Variants in HTR4 observed in about 807,000 individuals in gnomAD.
The protein encoded by HTR4 is 5-hydroxytryptamine receptor 4.
Under a neutral mutation model 36.8 loss-of-function variants are expected in HTR4, and 16 were observed. The observed-to-expected ratio is 0.43, with a 90% CI of 0.29 to 0.66. The LOEUF is 0.66. Ranked by LOEUF, HTR4 falls within the 30% of genes least tolerant of loss-of-function variation. The pLI, the probability that HTR4 is intolerant of heterozygous loss-of-function variation, is 0.13. For synonymous variants in HTR4, 189 were observed against 185.1 expected, an observed-to-expected ratio of 1.02 and a Z score of -0.17; for missense variants, 438 against 490.9, an observed-to-expected ratio of 0.89 and a Z score of 1.02.
At chr5:148,461,197 AG>A (rs756229866) in intron 5 of HTR4, among the ~76,000 whole-genome samples, 29 of 152,058 alleles carry the variant, frequency 1.9e-4, no homozygotes, top group Non-Finnish European at 4.4e-5. Context: ...AGGTAGAAAA[AG>A]GGTAGAAGGC....
downstream of HTR4, among the ~76,000 whole-genome samples, chr5:148,477,895 G>C (rs955674792): frequency 8.5e-5 from 13 of 152,072 alleles, no homozygotes; most frequent in African/African-American, 3.1e-4. Flanking sequence ...TCCTTAGAAT[G>C]CTTGTCCCCT....
intron 2 of HTR4, among the ~76,000 whole-genome samples, chr5:148,617,670 T>C (rs1347848754): frequency 6.6e-6 from 1 of 152,084 alleles, no homozygotes; most frequent in Non-Finnish European, 1.5e-5. Flanking sequence ...GGTTTCACCA[T>C]GTTGGCCAGG....
At chr5:148,566,212 A>G (rs1157641015) in intron 2 of HTR4, among the ~76,000 whole-genome samples, 1 of 152,184 alleles carries the variant, frequency 6.6e-6, no homozygotes, top group Non-Finnish European at 1.5e-5. Context: ...CCTAAATACC[A>G]TCCAAAGTTA....
intron 2 of HTR4, among the ~76,000 whole-genome samples, chr5:148,562,057 C>A (rs1326188891): frequency 6.6e-6 from 1 of 152,168 alleles, no homozygotes; most frequent in Non-Finnish European, 1.5e-5. Flanking sequence ...TGAAACAGCT[C>A]AATTTTATGC....
At chr5:148,515,985 C>CATATAT (rs3041921) in intron 5 of HTR4, among the ~76,000 whole-genome samples, 2 of 148,598 alleles carry the variant, frequency 1.3e-5, no homozygotes, top group South Asian at 2.1e-4. Flanking sequence ...ATATATGTAA[C>CATATAT]ATATATATAT....
At chr5:148,474,555 A>G (rs1218137588), downstream of HTR4, among the ~76,000 whole-genome samples, 1 of 152,168 alleles carries the variant, frequency 6.6e-6, no homozygotes, top group Non-Finnish European at 1.5e-5. Context: ...AGTACAGATA[A>G]TGTCTGCCCT....
rs547369547 is a variant in HTR4, at chr5:148,467,028, C to T, written c.1077-15756G>A. On this transcript the variant is annotated intron_variant, in intron 5 of 5. Coordinates refer to the HTR4 transcript ENST00000521530. ...ACATTTTCAATGGGCTCTAGATAAT[C>T]ATTTGAAAATTTAAATATCTGGGTA... Among the ~76,000 whole-genome samples the T allele has an allele frequency of 2.0e-5, 3 of 152,244 alleles. No individual in the cohort carries two copies. The South Asian group carries it at 6.2e-4, about 32-fold the overall frequency.
intron 2 of HTR4, among the ~76,000 whole-genome samples, chr5:148,567,371 T>A (rs1030784229): frequency 2.0e-5 from 3 of 152,164 alleles, no homozygotes; most frequent in African/African-American, 7.2e-5. Flanking sequence ...TAAAATCTTG[T>A]CTTCAATTTC....
rs148104270 is a variant in HTR4 at position 148,457,026 on chromosome 5, A to G, written c.1077-5754T>C. On this transcript the variant is annotated intron_variant, in intron 5 of 5. Transcript: ENST00000521530. Reference sequence around the variant, plus strand: ...TAAGGAAACCTTAACCCTGTGATCAATTAAGGTCACTTAGAGCAGCTTGGA... The same window carrying G: ...TAAGGAAACCTTAACCCTGTGATCAGTTAAGGTCACTTAGAGCAGCTTGGA... 7.9e-5 allele frequency among the ~76,000 whole-genome samples: 12 copies of G among 152,354 alleles called. No individual in the cohort carries two copies. In the East Asian group the frequency reaches 2.1e-3, roughly 27 times the overall value.
chr5:148,548,557 C>G, intron 4 of HTR4, 111 bp downstream of exon 4: 1 of 914,498 alleles, frequency 1.1e-6, no homozygotes, highest in South Asian at 1.6e-5. Flanking sequence ...TCAAATTTAC[C>G]TCTCTGAGAT....
chr5:148,586,753 G>T (rs141545477), intron 2 of HTR4, among the ~76,000 whole-genome samples: 1 of 152,216 alleles, frequency 6.6e-6, no homozygotes, highest in Non-Finnish European at 1.5e-5. Context: ...TGTAGACAGG[G>T]CGAAGTTGGG....
intron 2 of HTR4, among the ~76,000 whole-genome samples, chr5:148,570,220 AT>A (rs750272223): frequency 1.3e-5 from 2 of 152,160 alleles, no homozygotes; most frequent in African/African-American, 2.4e-5. Flanking sequence ...TCATTCAACC[AT>A]TCCTTCACCA....
At chr5:148,548,235 C>T (rs1296497317) in intron 4 of HTR4, among the ~76,000 whole-genome samples, 3 of 152,144 alleles carry the variant, frequency 2.0e-5, no homozygotes, top group African/African-American at 4.8e-5. Flanking sequence ...CAAATTATTA[C>T]AGAAACATAT....
intron 1 of HTR4, among the ~76,000 whole-genome samples, chr5:148,649,830 A>G (rs939532712): frequency 6.6e-6 from 1 of 152,198 alleles, no homozygotes; most frequent in Non-Finnish European, 1.5e-5. Flanking sequence ...AAAATCAGAT[A>G]TATTTTCATT....
chr5:148,531,011 T>A (rs935016414), intron 4 of HTR4, among the ~76,000 whole-genome samples: 1 of 152,222 alleles, frequency 6.6e-6, no homozygotes, highest in Non-Finnish European at 1.5e-5. Flanking sequence ...ATTTACCCAA[T>A]GCCTATACCC....
chr5:148,617,582 C>G (rs1484366468), intron 2 of HTR4, among the ~76,000 whole-genome samples: 4 of 151,940 alleles, frequency 2.6e-5, no homozygotes, highest in Non-Finnish European at 5.9e-5. Flanking sequence ...GATTCTCCTG[C>G]CTCAACCTCC....
intron 2 of HTR4, among the ~76,000 whole-genome samples, chr5:148,620,396 T>C (rs1752871026): frequency 6.6e-6 from 1 of 152,214 alleles, no homozygotes; most frequent in Admixed American, 6.5e-5. Flanking sequence ...GGTGACCCAC[T>C]TGAGTAATTT....
chr5:148,462,289 A>G (rs1333840323), intron 5 of HTR4, among the ~76,000 whole-genome samples: 1 of 152,014 alleles, frequency 6.6e-6, no homozygotes, highest in Non-Finnish European at 1.5e-5. Context: ...AAATGAAGAG[A>G]GAGAGAAAGA....
At chr5:148,523,548 G>A (rs997168795) in intron 4 of HTR4, among the ~76,000 whole-genome samples, 2 of 152,024 alleles carry the variant, frequency 1.3e-5, no homozygotes, top group East Asian at 1.9e-4. Context: ...GTAAAAAGAG[G>A]AGAGCAAGTG....
Sources: gnomAD v4.1 joint callset for allele counts (sites outside exome capture counted in the v4.1 genomes callset) on GRCh38, gnomAD v4.1.1 for gene constraint, MANE v1.5 for transcripts, NCBI Gene and HGNC (gene_info 2026-07-23, HGNC 2026-07-21) for gene names.